Variants in CTNND2 observed in about 807,000 individuals in gnomAD.
The protein encoded by CTNND2 is catenin delta 2.
Under a neutral mutation model 144.4 loss-of-function variants are expected in CTNND2, and 22 were observed. That is an observed-to-expected ratio of 0.15 (90% CI 0.11 to 0.22). CTNND2 has a LOEUF of 0.22. Ranked by LOEUF, CTNND2 falls within the 10% of genes least tolerant of loss-of-function variation. The probability of loss-of-function intolerance (pLI) is 1.00; values close to 1 mark genes in which losing one functional copy is unlikely to be tolerated. For synonymous variants in CTNND2, 751 were observed against 695.6 expected (o/e 1.08, Z -1.25); for missense variants, 1,353 against 1,618.8 (o/e 0.84, Z 2.82).
chr5:11,066,903 C>A (rs943806270), intron 16 of CTNND2, among the ~76,000 whole-genome samples: 1 of 152,212 alleles, frequency 6.6e-6, no homozygotes, highest in East Asian at 1.9e-4. Context: ...TTCCTTAGTT[C>A]AGCAGATTAG....
chr5:11,874,271 A>C (rs1420165492), intron 1 of CTNND2, among the ~76,000 whole-genome samples: 1 of 152,204 alleles, frequency 6.6e-6, no homozygotes, highest in East Asian at 1.9e-4. Flanking sequence ...ATATCATTGA[A>C]CTAGTAAACA....
intron 1 of CTNND2, among the ~76,000 whole-genome samples, chr5:11,756,800 A>G (rs1012685425): frequency 4.6e-5 from 7 of 151,268 alleles, no homozygotes; most frequent in African/African-American, 1.7e-4. Flanking sequence ...CAGCTATCCC[A>G]TTGTATTGAT....
intron 12 of CTNND2, among the ~76,000 whole-genome samples, chr5:11,129,493 ACTTT>A (rs1755348349): frequency 6.7e-6 from 1 of 149,590 alleles, no homozygotes. Flanking sequence ...GGGATGACGC[ACTTT>A]CTGAGGCTGA....
chr5:11,093,362 A>C (rs1750981606), intron 15 of CTNND2, among the ~76,000 whole-genome samples: 1 of 148,500 alleles, frequency 6.7e-6, no homozygotes, highest in Non-Finnish European at 1.5e-5. Context: ...AATAGTCTGC[A>C]ACAAACAAAA....
chr5:11,322,185 G>A (rs1473051519), intron 9 of CTNND2, among the ~76,000 whole-genome samples: 1 of 152,144 alleles, frequency 6.6e-6, no homozygotes, highest in Admixed American at 6.5e-5. Flanking sequence ...GCTTGCTGTA[G>A]AAAGCCTCTC....
At chr5:11,544,168 C>A (rs928517867) in intron 3 of CTNND2, among the ~76,000 whole-genome samples, 2 of 151,570 alleles carry the variant, frequency 1.3e-5, no homozygotes, top group East Asian at 4.0e-4. Context: ...TATTCCAAGG[C>A]AGATTTTTTT....
chr5:11,710,450 G>T (rs1785957707), intron 2 of CTNND2, among the ~76,000 whole-genome samples: 1 of 151,078 alleles, frequency 6.6e-6, no homozygotes, highest in South Asian at 2.1e-4. Context: ...TGAGGCAGGA[G>T]AGTTGCTTGA....
chr5:11,586,253 T>C (rs553816299), intron 2 of CTNND2, among the ~76,000 whole-genome samples: 4 of 152,308 alleles, frequency 2.6e-5, no homozygotes, highest in African/African-American at 9.6e-5. Context: ...CATGCTCTCC[T>C]TGGCCACGAC....
chr5:11,598,433 C>G (rs546282374), intron 2 of CTNND2, among the ~76,000 whole-genome samples: 6 of 152,186 alleles, frequency 3.9e-5, no homozygotes, highest in Non-Finnish European at 8.8e-5. Flanking sequence ...TCCCACTAAG[C>G]GATTCTTTAC....
intron 1 of CTNND2, among the ~76,000 whole-genome samples, chr5:11,744,796 G>C (rs1465623155): frequency 1.3e-5 from 2 of 151,922 alleles, no homozygotes; most frequent in African/African-American, 4.8e-5. Flanking sequence ...GCCCAGGCTG[G>C]AGTGCAGTGC....
chr5:11,208,058 T>C (rs571204696), intron 10 of CTNND2, among the ~76,000 whole-genome samples: 1 of 152,276 alleles, frequency 6.6e-6, no homozygotes, highest in South Asian at 2.1e-4. Context: ...AATTTTCTTA[T>C]ATACTAAAAA....
intron 14 of CTNND2, among the ~76,000 whole-genome samples, chr5:11,102,491 C>A (rs983685241): frequency 6.6e-6 from 1 of 152,132 alleles, no homozygotes; most frequent in Non-Finnish European, 1.5e-5. Context: ...GTACATAGAT[C>A]ATAGAACAAA....
At chr5:11,377,915 T>C (rs896967591) in intron 7 of CTNND2, among the ~76,000 whole-genome samples, 1 of 152,196 alleles carries the variant, frequency 6.6e-6, no homozygotes, top group African/African-American at 2.4e-5. Flanking sequence ...GATTACCATT[T>C]CTGTTGAGTT....
intron 3 of CTNND2, among the ~76,000 whole-genome samples, chr5:11,416,144 C>T (rs1010263470): frequency 1.3e-5 from 2 of 152,110 alleles, no homozygotes; most frequent in Non-Finnish European, 2.9e-5. Flanking sequence ...CCGGGGTAAC[C>T]CTAGTACAAA....
intron 12 of CTNND2, among the ~76,000 whole-genome samples, chr5:11,138,522 C>T (rs954381555): frequency 5.3e-5 from 8 of 152,166 alleles, no homozygotes; most frequent in African/African-American, 1.7e-4. Flanking sequence ...CTGGTAGTGG[C>T]ACTGGTGGTG....
intron 1 of CTNND2, among the ~76,000 whole-genome samples, chr5:11,775,444 C>A (rs1434778343): frequency 6.6e-6 from 1 of 152,172 alleles, no homozygotes; most frequent in African/African-American, 2.4e-5. Context: ...CAGGAAGGTT[C>A]CGTAAGCACT....
At chr5:11,034,678 C>T (rs750006290) in intron 16 of CTNND2, among the ~76,000 whole-genome samples, 4 of 152,254 alleles carry the variant, frequency 2.6e-5, no homozygotes, top group Non-Finnish European at 5.9e-5. Flanking sequence ...CTAGCCTTCT[C>T]TATGTCTGTG....
chr5:11,403,837 A>C (rs1760839161), intron 5 of CTNND2, among the ~76,000 whole-genome samples: 1 of 152,364 alleles, frequency 6.6e-6, no homozygotes, highest in Non-Finnish European at 1.5e-5. Context: ...AGTTTAAAGA[A>C]CCAGTCTTTG....
In CTNND2 at chr5:11,169,026, C is replaced by T. The variant is rs1179744601; in HGVS notation, c.1976-9267G>A. 4.6e-5 allele frequency among the ~76,000 whole-genome samples: 7 copies of T among 152,262 alleles called. No individual in the cohort carries two copies. The Middle Eastern group carries it at 0.017, about 370-fold the overall frequency. ...TTAAGTGCTTGCTCTAGGAAACACTCGCCTGTGAATGTTTAGGCTGTGAAC... is the reference window on the plus strand; with the variant it reads ...TTAAGTGCTTGCTCTAGGAAACACTTGCCTGTGAATGTTTAGGCTGTGAAC... On this transcript the variant is annotated intron_variant, in intron 11 of 21. Transcript: ENST00000304623.
Sources: allele counts gnomAD v4.1 joint callset (sites outside exome capture counted in the v4.1 genomes callset), GRCh38; gene constraint gnomAD v4.1.1; transcripts MANE v1.5; gene names NCBI Gene and HGNC (gene_info 2026-07-23, HGNC 2026-07-21).